Variants in HBS1L observed in about 807,000 individuals in gnomAD.
HBS1L encodes the protein HBS1-like protein.
HBS1L carries 55 observed loss-of-function variants against 88.9 expected under a neutral mutation model. The ratio of observed to expected loss-of-function variants is 0.62; its 90% confidence interval spans 0.50 to 0.77. The LOEUF is 0.77. Ranked by LOEUF, HBS1L falls within the 30% of genes least tolerant of loss-of-function variation. The probability of loss-of-function intolerance (pLI) is 0.00; values close to 1 mark genes in which losing one functional copy is unlikely to be tolerated. For synonymous variants in HBS1L, 267 were observed against 288.5 expected (o/e 0.93, Z 0.76); for missense variants, 741 against 829.3 (o/e 0.89, Z 1.31).
rs1231977987 is a variant in HBS1L at position 134,997,656 on chromosome 6, T to G, written c.540A>C (p.Gly180=). 1.2e-6 allele frequency: 2 copies of G among 1,613,738 alleles called. No homozygotes were observed. The highest frequency in any genetic ancestry group is 8.5e-7 in the Non-Finnish European group (1 of 1,179,716). Residue 180 remains glycine (G), a splice_region_variant and synonymous_variant, in exon 6 of 18, where the codon GGA becomes GGC. Transcript: ENST00000367837. ...TATGACCATTTTCTTCAGAAGATAC[T>G]CTACAGAAGGCAGATAGGAAAAAAG... ...KKQTMGFEVP[G]VSSEENGHSF...
chr6:134,998,861 T>C (rs149446034), intron 5 of HBS1L, among the ~76,000 whole-genome samples: 3 of 152,374 alleles, frequency 2.0e-5, no homozygotes, highest in East Asian at 3.9e-4. Flanking sequence ...GTGTTCATTT[T>C]TGAGCACTGC....
At chr6:135,004,646 G>A (rs991587375) in intron 4 of HBS1L, among the ~76,000 whole-genome samples, 1 of 152,072 alleles carries the variant, frequency 6.6e-6, no homozygotes, top group Non-Finnish European at 1.5e-5. Flanking sequence ...GCAAAAGAGA[G>A]GGGAAAGGGC....
intron 15 of HBS1L, among the ~76,000 whole-genome samples, chr6:134,977,837 C>T (rs567433762): frequency 6.6e-6 from 1 of 152,106 alleles, no homozygotes; most frequent in South Asian, 2.1e-4. Context: ...GAAAAATGGT[C>T]ATCTGTCACG....
chr6:134,986,296 A>G (rs1759302999), intron 10 of HBS1L, 113 bp from the exon 11 acceptor site: 1 of 647,320 alleles, frequency 1.5e-6, no homozygotes, highest in Non-Finnish European at 2.7e-6. Context: ...ACTTTTTAAA[A>G]CATAATAGAA....
At chr6:135,037,216 G>T (rs1274040060) in intron 4 of HBS1L, 1 of 1,551,830 alleles carries the variant, frequency 6.4e-7, no homozygotes, top group East Asian at 2.4e-5. Flanking sequence ...TTGTGACAGG[G>T]GAAAGGATCC....
chr6:134,979,937 T>C (rs896402855), intron 13 of HBS1L, among the ~76,000 whole-genome samples: 7 of 152,024 alleles, frequency 4.6e-5, no homozygotes, highest in Non-Finnish European at 7.4e-5. Context: ...TTGCTATATA[T>C]CTAGAGATAT....
chr6:134,976,658 ACC>A (rs1365004769), intron 15 of HBS1L, among the ~76,000 whole-genome samples: 1 of 152,084 alleles, frequency 6.6e-6, no homozygotes, highest in East Asian at 1.9e-4. Flanking sequence ...GGAATGAAAA[ACC>A]AAATAGCATA....
intron 13 of HBS1L, among the ~76,000 whole-genome samples, chr6:134,979,781 G>A (rs1462054932): frequency 6.6e-6 from 1 of 151,954 alleles, no homozygotes; most frequent in Non-Finnish European, 1.5e-5. Flanking sequence ...ATTTCAAGCG[G>A]TCCTCTCAGC....
At chr6:135,052,362 C>T (rs1340093756) in intron 1 of HBS1L, among the ~76,000 whole-genome samples, 4 of 151,890 alleles carry the variant, frequency 2.6e-5, no homozygotes, top group Admixed American at 1.3e-4. Context: ...TTTGGGAAGC[C>T]GAGGAGGGAG....
chr6:135,032,262 G>T (rs929807900), intron 4 of HBS1L, among the ~76,000 whole-genome samples: 2 of 150,980 alleles, frequency 1.3e-5, no homozygotes, highest in Admixed American at 1.3e-4. Context: ...TGGATAGATT[G>T]TATGTTTTTA....
intron 4 of HBS1L, among the ~76,000 whole-genome samples, chr6:135,008,992 A>G (rs1415492536): frequency 6.6e-6 from 1 of 151,902 alleles, no homozygotes; most frequent in Non-Finnish European, 1.5e-5. Context: ...TCCTCAATTT[A>G]CTCTCTTTAC....
At chr6:134,979,074 T>C in intron 14 of HBS1L, 104 bp downstream of exon 14, 1 of 780,636 alleles carries the variant, frequency 1.3e-6, no homozygotes, top group East Asian at 2.6e-5. Context: ...CTATTTTTGG[T>C]CAAATGAAAT....
At chr6:135,008,890 T>C (rs1011407970) in intron 4 of HBS1L, among the ~76,000 whole-genome samples, 1 of 152,090 alleles carries the variant, frequency 6.6e-6, no homozygotes, top group African/African-American at 2.4e-5. Context: ...CACCAATAAA[T>C]ACAGTTTAAT....
At chr6:134,979,813 C>T (rs1031990083) in intron 13 of HBS1L, among the ~76,000 whole-genome samples, 1 of 151,956 alleles carries the variant, frequency 6.6e-6, no homozygotes, top group Non-Finnish European at 1.5e-5. Flanking sequence ...CTACTCCTGG[C>T]TCAAAAGAAC....
intron 16 of HBS1L, among the ~76,000 whole-genome samples, chr6:134,967,138 A>G (rs1774340174): frequency 6.6e-6 from 1 of 152,208 alleles, no homozygotes; most frequent in South Asian, 2.1e-4. Flanking sequence ...ATGATTTCAT[A>G]AAAATAAGTG....
intron 4 of HBS1L, among the ~76,000 whole-genome samples, chr6:135,034,001 T>C (rs897592766): frequency 2.0e-5 from 3 of 152,196 alleles, no homozygotes; most frequent in Non-Finnish European, 4.4e-5. Context: ...TCTCAACCAC[T>C]GGGATAACTC....
intron 3 of HBS1L, among the ~76,000 whole-genome samples, chr6:135,041,637 G>A (rs1776739873): frequency 6.6e-6 from 1 of 152,028 alleles, no homozygotes. Flanking sequence ...ATCTTTGTAA[G>A]TAAAGGAGTT....
rs74584523 is a variant in HBS1L, at chr6:135,014,201, G to A, written c.431-11359C>T. Among the ~76,000 whole-genome samples the A allele has an allele frequency of 2.2e-4, 34 of 152,258 alleles. No individual in the cohort carries two copies. In the East Asian group the frequency reaches 5.8e-3, roughly 26 times the overall value. The stretch of plus-strand genomic sequence containing the variant: ...AATACCTTCCAGGAAACTAAGAGAA[G>A]TCTGCTGGTCAGAATCTTATTTCTC... On this transcript the variant is annotated intron_variant, in intron 4 of 17. Coordinates refer to ENST00000367837, the MANE Select transcript of HBS1L (RefSeq NM_006620.4).
At chr6:134,989,820 A>G (rs1178368757) in intron 8 of HBS1L, among the ~76,000 whole-genome samples, 1 of 152,208 alleles carries the variant, frequency 6.6e-6, no homozygotes, top group Non-Finnish European at 1.5e-5. Context: ...TCTTTTGATC[A>G]AGGATTCTTA....
Sources: allele counts gnomAD v4.1 joint callset (sites outside exome capture counted in the v4.1 genomes callset), GRCh38; gene constraint gnomAD v4.1.1; transcripts MANE v1.5; gene names NCBI Gene and HGNC (gene_info 2026-07-23, HGNC 2026-07-21).